WDR20: variants seen among roughly 807,000 people sequenced by gnomAD.
The protein encoded by WDR20 is WD repeat domain 20.
A neutral mutation model predicts 38.7 loss-of-function variants in WDR20; 3 were observed. The ratio of observed to expected loss-of-function variants is 0.08; its 90% CI spans 0.04 to 0.20. The LOEUF (loss-of-function observed/expected upper bound fraction) is 0.20. Among genes scored for constraint, WDR20 ranks in the 10% least tolerant of loss-of-function variants. WDR20 has a pLI of 1.00. For synonymous variants in WDR20, 298 were observed against 285.6 expected (o/e 1.04, Z -0.44); for missense variants, 559 against 727.7 (o/e 0.77, Z 2.67).
At chr14:102,148,667 CTTTGTGTGTGTG>C (rs2152705582) in intron 1 of WDR20, among the ~76,000 whole-genome samples, 2 of 94,978 alleles carry the variant, frequency 2.1e-5, no homozygotes, top group Non-Finnish European at 4.2e-5. Context: ...AAGAGTTTGG[CTTTGTGTGTGTG>C]TGTGTGTGTG....
intron 1 of WDR20, among the ~76,000 whole-genome samples, chr14:102,191,987 CA>C (rs922227912): frequency 1.3e-5 from 2 of 152,116 alleles, no homozygotes; most frequent in Admixed American, 1.3e-4. Context: ...TTACATTCAA[CA>C]GATATAAAAT....
intron 1 of WDR20, among the ~76,000 whole-genome samples, chr14:102,186,352 C>T (rs919121030): frequency 2.0e-5 from 3 of 152,168 alleles, no homozygotes; most frequent in African/African-American, 7.2e-5. Flanking sequence ...AACTGTTCGC[C>T]TACACATGAA....
chr14:102,213,733 A>T (rs2153038158), downstream of WDR20: 1 of 985,420 alleles, frequency 1.0e-6, no homozygotes, highest in East Asian at 1.1e-4. Context: ...GTATGAAATG[A>T]GTGCTGAAGT....
chr14:102,198,283 A>G (rs1416792603), intron 2 of WDR20: 1 of 345,640 alleles, frequency 2.9e-6, no homozygotes. Flanking sequence ...CCACCTGACT[A>G]ATTTTTGTAT....
At chr14:102,142,215 T>C (rs2051484784) in intron 1 of WDR20, among the ~76,000 whole-genome samples, 1 of 152,238 alleles carries the variant, frequency 6.6e-6, no homozygotes, top group Admixed American at 6.5e-5. Flanking sequence ...GGTAGTATCT[T>C]GTAGATACAT....
intron 2 of WDR20, among the ~76,000 whole-genome samples, chr14:102,200,457 ATTTTT>A (rs746438768): frequency 4.2e-4 from 47 of 110,992 alleles, no homozygotes; most frequent in Non-Finnish European, 5.8e-4. Context: ...TACTTTTTAA[ATTTTT>A]TTTTTTGTGT....
At chr14:102,189,172 T>C (rs957138491) in intron 1 of WDR20, among the ~76,000 whole-genome samples, 15 of 152,118 alleles carry the variant, frequency 9.9e-5, no homozygotes, top group African/African-American at 3.4e-4. Flanking sequence ...ATCGCACCAC[T>C]GCACTCCAGC....
intron 1 of WDR20, among the ~76,000 whole-genome samples, chr14:102,169,923 A>C (rs916298865): frequency 1.3e-5 from 2 of 152,286 alleles, no homozygotes; most frequent in Non-Finnish European, 2.9e-5. Context: ...ATACGTTCAC[A>C]TGGTTCAAAA....
Position 102,209,268 on chromosome 14 carries a change from G to C in WDR20, c.1098G>C (p.Thr366=). ...CAGACAGCCGCCCCGTAAGTGTCAC[G>C]TATCGGTTTGGTTCCGTGGGCCAGG... is the stretch of plus-strand genomic sequence containing the variant. ...NSTDSRPVSV[T]YRFGSVGQDT... Residue 366 remains threonine (T), a synonymous_variant, in exon 3 of 3, where the codon ACG becomes ACC. Coordinates refer to ENST00000342702, the MANE Select transcript of WDR20 (RefSeq NM_144574.4). This position sits in a 1 kb window ranked among gnomAD's most constrained non-coding sequence, Gnocchi z 6.0. The C allele has an allele frequency of 6.2e-7, 1 of 1,614,144 alleles. No individual in the cohort carries two copies. The highest frequency in any genetic ancestry group is 8.5e-7 in the Non-Finnish European group (1 of 1,180,034).
chr14:102,213,692 C>T, downstream of WDR20: 1 of 985,458 alleles, frequency 1.0e-6, no homozygotes, highest in Non-Finnish European at 1.2e-6. Context: ...CCTCCACTTC[C>T]TGGGGTTCAT....
chr14:102,208,755 G>C lies in WDR20; in HGVS notation c.585G>C (p.Gln195His). 6.2e-7 allele frequency: 1 copy of C among 1,614,252 alleles called. No individual in the cohort carries two copies. Residue 195 changes from glutamine to histidine, a missense_variant, in exon 3 of 3, where the codon CAG (glutamine) becomes CAC (histidine). Physicochemically the swap from Gln to His is conservative, Grantham distance 24. Coordinates refer to ENST00000342702, the MANE Select transcript of WDR20 (RefSeq NM_144574.4). The surrounding 1 kb of genome is among the most constrained non-coding windows in gnomAD (Gnocchi z 5.6). ...CCCCCCACTACCAGCTTCTGAAGCAGGGAGAGAGCTTTGCCGTGCACACTT... is the reference window on the plus strand; with the variant it reads ...CCCCCCACTACCAGCTTCTGAAGCACGGAGAGAGCTTTGCCGTGCACACTT... Reference protein sequence around the residue: ...TTAPHYQLLKQGESFAVHTCK... With the variant: ...TTAPHYQLLKHGESFAVHTCK...
At chr14:102,194,362 C>T (rs1266403522) in intron 1 of WDR20, among the ~76,000 whole-genome samples, 2 of 152,196 alleles carry the variant, frequency 1.3e-5, no homozygotes, top group Non-Finnish European at 2.9e-5. Context: ...GAGCGGGCAT[C>T]AGAATCACCT....
At position 102,209,888 on chromosome 14, in the gene WDR20, C is replaced by T. The variant is rs1288079827; in HGVS notation, c.*8C>T. On this transcript the variant is annotated 3_prime_UTR_variant, in exon 3 of 3. Transcript: ENST00000342702. This position sits in a 1 kb window ranked among gnomAD's most constrained non-coding sequence, Gnocchi z 6.0. ...GTAAGTTTTAATCCTTAATGCTGCACCAGATCTAGAACTTGAATAGGTAGT... is the reference window on the plus strand; with the variant it reads ...GTAAGTTTTAATCCTTAATGCTGCATCAGATCTAGAACTTGAATAGGTAGT... 6.3e-7 allele frequency: 1 copy of T among 1,592,832 alleles called. No homozygotes were observed. Among genetic ancestry groups the T allele is most frequent in the Non-Finnish European group, 8.6e-7 (1 of 1,168,310 alleles).
chr14:102,171,888 TG>T (rs750880211), intron 1 of WDR20, among the ~76,000 whole-genome samples: 6 of 151,260 alleles, frequency 4.0e-5, no homozygotes, highest in Non-Finnish European at 8.8e-5. Flanking sequence ...TTTTTATTTT[TG>T]TTTTTTTGTT....
At chr14:102,197,956 G>A (rs910697121) in intron 2 of WDR20, 4 of 587,774 alleles carry the variant, frequency 6.8e-6, no homozygotes, top group Non-Finnish European at 1.2e-5. Context: ...GGCAAAACCT[G>A]CCCTCCTGTG....
At chr14:102,195,562 G>C (rs995181976) in intron 2 of WDR20, among the ~76,000 whole-genome samples, 2 of 152,214 alleles carry the variant, frequency 1.3e-5, no homozygotes, top group Non-Finnish European at 2.9e-5. Context: ...TGGCTAAGGA[G>C]TACTTCACTT....
intron 1 of WDR20, among the ~76,000 whole-genome samples, chr14:102,158,415 A>G (rs1038925306): frequency 3.3e-5 from 5 of 152,056 alleles, no homozygotes; most frequent in Non-Finnish European, 5.9e-5. Context: ...CCCCTGCCTC[A>G]GCCTCCTGAG....
downstream of WDR20, chr14:102,212,385 G>A (rs1241554887): frequency 7.2e-6 from 7 of 971,156 alleles, no homozygotes; most frequent in Non-Finnish European, 1.1e-5. Flanking sequence ...GGAGAGCACT[G>A]TGCCAGCCTG....
Position 102,221,637 on chromosome 14 carries a change from G to A in WDR20, c.1693-1193G>A, listed in dbSNP as rs946551289. Among the ~76,000 whole-genome samples the A allele has an allele frequency of 1.3e-5, 2 of 152,202 alleles. No homozygotes were observed. The highest frequency in any genetic ancestry group is 2.9e-5 in the Non-Finnish European group (2 of 68,032). On this transcript the variant is annotated intron_variant, in intron 3 of 3. Transcript: ENST00000335263. This position sits in a 1 kb window ranked among gnomAD's most constrained non-coding sequence, Gnocchi z 4.8. Reference sequence around the variant, plus strand: ...CCGTTTGCTTCCTGAGCTTGTCTAGGTGAACAGATTTCAGGTGGAAGGTAA... The same window carrying A: ...CCGTTTGCTTCCTGAGCTTGTCTAGATGAACAGATTTCAGGTGGAAGGTAA...
Sources: gnomAD v4.1 joint callset for allele counts (sites outside exome capture counted in the v4.1 genomes callset) on GRCh38, gnomAD v4.1.1 for gene constraint, Gnocchi (gnomAD v3.1) non-coding constraint, MANE v1.5 for transcripts, NCBI Gene and HGNC (gene_info 2026-07-23, HGNC 2026-07-21) for gene names.